Variants in JAK1 observed in about 807,000 individuals in gnomAD.
JAK1 encodes tyrosine-protein kinase JAK1.
JAK1 carries 16 observed loss-of-function variants against 136.6 expected under a neutral mutation model. That is an observed-to-expected ratio of 0.12 (90% CI 0.08 to 0.18). JAK1 has a LOEUF of 0.18. JAK1 is among the 10% of genes least tolerant of loss of function. JAK1 has a pLI of 1.00. For synonymous variants in JAK1, 492 were observed against 519.5 expected, an observed-to-expected ratio of 0.95 and a Z score of 0.72; for missense variants, 859 against 1,450.1, an observed-to-expected ratio of 0.59 and a Z score of 6.62.
At chr1:64,870,744 T>G (rs1570676085) in intron 5 of JAK1, among the ~76,000 whole-genome samples, 2 of 152,074 alleles carry the variant, frequency 1.3e-5, no homozygotes, top group African/African-American at 4.8e-5. Context: ...GATTAATGGT[T>G]TTTGGATGGA....
At chr1:65,017,761 T>C (rs1455544509) in intron 2 of JAK1, among the ~76,000 whole-genome samples, 2 of 151,298 alleles carry the variant, frequency 1.3e-5, no homozygotes, top group African/African-American at 2.4e-5. Flanking sequence ...TGCTTTTAAA[T>C]AACTCATGGG....
At chr1:64,999,018 G>C (rs1557750957) in intron 2 of JAK1, among the ~76,000 whole-genome samples, 2 of 152,148 alleles carry the variant, frequency 1.3e-5, no homozygotes, top group Non-Finnish European at 2.9e-5. Flanking sequence ...TTTTTCTGCA[G>C]TTTTCATTTC....
At chr1:64,910,781 T>C (rs1043937839) in intron 1 of JAK1, among the ~76,000 whole-genome samples, 1 of 149,582 alleles carries the variant, frequency 6.7e-6, no homozygotes, top group Non-Finnish European at 1.5e-5. Flanking sequence ...GAGGCAGAGG[T>C]TGCACTGAGT....
At chr1:64,865,370 C>T (rs1373142337) in intron 7 of JAK1, among the ~76,000 whole-genome samples, 1 of 152,216 alleles carries the variant, frequency 6.6e-6, no homozygotes, top group Non-Finnish European at 1.5e-5. Flanking sequence ...TGAACATGAG[C>T]TTTCTCCTAT....
chr1:64,957,322 A>G (rs1569728683), intron 1 of JAK1, among the ~76,000 whole-genome samples: 1 of 152,202 alleles, frequency 6.6e-6, no homozygotes, highest in East Asian at 1.9e-4. Context: ...TATAAGGCCC[A>G]AAAGTAATAA....
intron 1 of JAK1, among the ~76,000 whole-genome samples, chr1:64,911,808 C>A (rs1645290466): frequency 6.6e-6 from 1 of 152,194 alleles, no homozygotes; most frequent in African/African-American, 2.4e-5. Context: ...GATTATTTTA[C>A]ATTTCTAACA....
intron 11 of JAK1, among the ~76,000 whole-genome samples, chr1:64,854,235 A>G (rs953273054): frequency 3.3e-5 from 5 of 151,942 alleles, no homozygotes; most frequent in South Asian, 2.1e-4. Flanking sequence ...TCCTCTGCCC[A>G]CTCCTGGTGG....
At chr1:64,846,172 C>T (rs1356486202) in intron 14 of JAK1, among the ~76,000 whole-genome samples, 5 of 152,356 alleles carry the variant, frequency 3.3e-5, no homozygotes, top group East Asian at 1.9e-4. Flanking sequence ...GCCAAGGCCA[C>T]CCCTCCATCT....
At chr1:64,913,718 AGGG>A (rs1645339870) in intron 1 of JAK1, among the ~76,000 whole-genome samples, 1 of 16,850 alleles carries the variant, frequency 5.9e-5, no homozygotes, top group African/African-American at 2.4e-4. Context: ...GGAGGGAGGG[AGGG>A]AGGGAGGGAG....
intron 2 of JAK1, chr1:64,985,809 G>A: frequency 6.3e-6 from 4 of 630,370 alleles, no homozygotes; most frequent in African/African-American, 1.8e-5. Flanking sequence ...CAGGTTGACA[G>A]TAAGCATTGA....
intron 1 of JAK1, among the ~76,000 whole-genome samples, chr1:64,886,778 ACACAC>A (rs1165427962): frequency 2.7e-5 from 4 of 147,958 alleles, no homozygotes; most frequent in African/African-American, 1.0e-4. Flanking sequence ...ACACACACAC[ACACAC>A]ACACACACAG....
intron 6 of JAK1, among the ~76,000 whole-genome samples, chr1:64,867,680 C>T (rs1232344484): frequency 2.0e-5 from 3 of 152,206 alleles, no homozygotes; most frequent in Non-Finnish European, 4.4e-5. Context: ...AAACAGATCA[C>T]ATTTTTTATT....
At chr1:64,952,509 T>C (rs1569703712) in intron 1 of JAK1, among the ~76,000 whole-genome samples, 1 of 152,300 alleles carries the variant, frequency 6.6e-6, no homozygotes, top group East Asian at 1.9e-4. Context: ...CCTGGCTGGG[T>C]TTATGAGTCA....
intron 2 of JAK1, among the ~76,000 whole-genome samples, chr1:64,976,456 A>G (rs983383295): frequency 1.1e-4 from 17 of 152,164 alleles, no homozygotes; most frequent in Non-Finnish European, 5.9e-5. Context: ...CTTGTTGGTT[A>G]TTATGGTAAT....
chr1:65,054,613 AG>A (rs1394535562), intron 1 of JAK1, among the ~76,000 whole-genome samples: 5 of 152,164 alleles, frequency 3.3e-5, no homozygotes, highest in African/African-American at 1.2e-4. Context: ...CAGGAGTGGT[AG>A]CATAACTCCA....
chr1:64,928,787 A>AAACAAAC (rs1553170001), intron 1 of JAK1, among the ~76,000 whole-genome samples: 4 of 92,602 alleles, frequency 4.3e-5, no homozygotes, highest in African/African-American at 2.2e-4. Context: ...GCAAAAAAAA[A>AAACAAAC]AAAAAAAAAC....
intron 6 of JAK1, among the ~76,000 whole-genome samples, chr1:64,869,038 A>G (rs557968024): frequency 6.6e-6 from 1 of 152,268 alleles, no homozygotes; most frequent in African/African-American, 2.4e-5. Flanking sequence ...CAAGGAGGGG[A>G]CGGAGAAGGC....
chr1:65,053,053 A>AAG (rs1647361075), intron 1 of JAK1, among the ~76,000 whole-genome samples: 9 of 133,774 alleles, frequency 6.7e-5, no homozygotes, highest in South Asian at 2.3e-4. Context: ...AAAAAAAAAA[A>AAG]AAAGACTAGA....
chr1:64,882,051 C>A (rs1644781737), intron 3 of JAK1, among the ~76,000 whole-genome samples: 1 of 152,160 alleles, frequency 6.6e-6, no homozygotes, highest in Non-Finnish European at 1.5e-5. Context: ...CACATTGCGG[C>A]CTAGTCAAAA....
Sources: gnomAD v4.1 joint callset for allele counts (sites outside exome capture counted in the v4.1 genomes callset) on GRCh38, gnomAD v4.1.1 for gene constraint, MANE v1.5 for transcripts, NCBI Gene and HGNC (gene_info 2026-07-23, HGNC 2026-07-21) for gene names.